PBRM1: variants seen among roughly 807,000 people sequenced by gnomAD.
PBRM1 encodes the protein protein polybromo-1.
In PBRM1, 27 loss-of-function variants were observed where a neutral mutation model predicts 194.5. The observed-to-expected ratio is 0.14, with a 90% CI of 0.10 to 0.19. The LOEUF (loss-of-function observed/expected upper bound fraction) is 0.19. Ranked by LOEUF, PBRM1 falls within the 10% of genes least tolerant of loss-of-function variation. The pLI, the probability that PBRM1 is intolerant of heterozygous loss-of-function variation, is 1.00. For synonymous variants in PBRM1, 655 were observed against 693.2 expected (o/e 0.94, Z 0.87); for missense variants, 1,466 against 2,077.2 (o/e 0.71, Z 5.72).
chr3:52,651,888 T>A, intron 5 of PBRM1, 78 bp from the exon 7 acceptor site: 1 of 945,278 alleles, frequency 1.1e-6, no homozygotes, highest in Non-Finnish European at 1.7e-6. Flanking sequence ...ACATTGACAA[T>A]CTGTTGTTCA....
rs190543167 is a variant in PBRM1, at chr3:52,590,447, C to T, written c.2780-1192G>A. On this transcript the variant is annotated intron_variant, in intron 17 of 29. Transcript: ENST00000296302. ...CTCCAGCCTGGGTGACAGAGCAATA[C>T]TCCATTTCAAAAGAAAAAAAAAAAA... Among the ~76,000 whole-genome samples, 11 of 150,872 alleles carry T rather than the reference C, an allele frequency of 7.3e-5. No individual in the cohort carries two copies. In the East Asian group the frequency reaches 2.1e-3, roughly 29 times the overall value.
intron 20 of PBRM1, among the ~76,000 whole-genome samples, chr3:52,583,132 G>A (rs1185265746): frequency 6.0e-5 from 9 of 149,076 alleles, no homozygotes; most frequent in African/African-American, 1.7e-4. Flanking sequence ...TAATAGGGGC[G>A]GGGGCGGTGG....
intron 15 of PBRM1, among the ~76,000 whole-genome samples, chr3:52,610,283 G>T (rs151178463): frequency 6.6e-6 from 1 of 152,134 alleles, no homozygotes; most frequent in South Asian, 2.1e-4. Context: ...AAGAGATAAC[G>T]GATGTTAAAA....
Position 52,593,586 on chromosome 3 carries a change from T to G in PBRM1, c.2780-4331A>C, listed in dbSNP as rs551971585. On this transcript the variant is annotated intron_variant, in intron 17 of 29. Coordinates refer to ENST00000296302, the Ensembl canonical transcript of PBRM1. ...TGTTTAGTGTGATAAATTTCCCTCT[T>G]AACACTGCCTTAGCTGTGTCCCAGA... Among the ~76,000 whole-genome samples, 27 of 152,318 alleles carry G rather than the reference T, an allele frequency of 1.8e-4. No individual in the cohort carries two copies. In the South Asian group the frequency reaches 5.6e-3, roughly 32 times the overall value.
chr3:52,658,763 T>A (rs2096659079), intron 4 of PBRM1, among the ~76,000 whole-genome samples: 1 of 152,226 alleles, frequency 6.6e-6, no homozygotes, highest in Admixed American at 6.5e-5. Context: ...GTTCTGATGC[T>A]GGACATAGGC....
At chr3:52,623,329 G>C (rs1192184062) in intron 13 of PBRM1, among the ~76,000 whole-genome samples, 1 of 152,210 alleles carries the variant, frequency 6.6e-6, no homozygotes, top group Non-Finnish European at 1.5e-5. Context: ...CTTACCAACA[G>C]CCTCTCTAAT....
intron 22 of PBRM1, 84 bp downstream of exon 24, chr3:52,576,457 A>T: frequency 9.3e-7 from 1 of 1,074,466 alleles, no homozygotes. Flanking sequence ...TATACCTAAC[A>T]CCTAGAACAG....
chr3:52,670,455 A>G (rs1476869483), intron 2 of PBRM1, among the ~76,000 whole-genome samples: 2 of 152,252 alleles, frequency 1.3e-5, no homozygotes, highest in African/African-American at 4.8e-5. Context: ...CTATAGGCAC[A>G]TGTACACACA....
chr3:52,606,423 T>C (rs1297757544), intron 16 of PBRM1, among the ~76,000 whole-genome samples: 1 of 152,230 alleles, frequency 6.6e-6, no homozygotes, highest in African/African-American at 2.4e-5. Flanking sequence ...AGTGAAAATT[T>C]CTGTAAATTA....
Position 52,609,855 on chromosome 3 carries a change from C to T in PBRM1, c.2025G>A (p.Lys675=). 1 of 1,613,090 alleles carries T rather than the reference C, an allele frequency of 6.2e-7. No homozygotes were observed. Among genetic ancestry groups the T allele is most frequent in the Non-Finnish European group, 8.5e-7 (1 of 1,179,618 alleles). Residue 675 remains lysine (K), a synonymous_variant, in exon 16 of 30, where the codon AAG becomes AAA. Transcript: ENST00000296302. The surrounding 1 kb of genome is among the most constrained non-coding windows in gnomAD (Gnocchi z 4.1). ...ATATGGCACTGAGGCGGCGACCCCTCTTATCAGTATAGTTCTTTACAGCTT... is the reference window on the plus strand; with the variant it reads ...ATATGGCACTGAGGCGGCGACCCCTTTTATCAGTATAGTTCTTTACAGCTT...
upstream of PBRM1, among the ~76,000 whole-genome samples, chr3:52,684,138 A>T (rs10865973): frequency 0.36 from 49,429 of 138,904 alleles, 9,413 homozygotes; most frequent in Admixed American, 0.49. Flanking sequence ...ACTGAACTCC[A>T]GCCTGGGCAA....
intron 20 of PBRM1, among the ~76,000 whole-genome samples, chr3:52,581,165 TC>T (rs1269872726): frequency 1.3e-5 from 2 of 152,238 alleles, no homozygotes; most frequent in Non-Finnish European, 2.9e-5. Context: ...AACATTCTGA[TC>T]TTTATGACTT....
At chr3:52,642,019 C>T (rs373247018) in exon 10 of PBRM1, 32 of 1,591,118 alleles carry the variant, frequency 2.0e-5, no homozygotes, top group East Asian at 4.5e-5. Context: ...TGCTGATAAA[C>T]GACCTCCTTG....
chr3:52,630,479 T>A (rs957539590), intron 11 of PBRM1, among the ~76,000 whole-genome samples: 6 of 152,222 alleles, frequency 3.9e-5, no homozygotes, highest in African/African-American at 1.4e-4. Flanking sequence ...AATAGCCACA[T>A]ATGACTAGTG....
Position 52,617,243 on chromosome 3 carries a change from G to A in PBRM1, c.1818+19C>T. ...CTCCCGCAAAATGTGCCTACTTCAG[G>A]ACCGCTGGCCCTCCTTACCTGGGAG... On this transcript the variant is annotated intron_variant, in intron 14 of 29. Transcript: ENST00000296302. 6.2e-7 allele frequency: 1 copy of A among 1,606,886 alleles called. No homozygotes were observed. Among genetic ancestry groups the A allele is most frequent in the Non-Finnish European group, 8.5e-7 (1 of 1,176,726 alleles).
intron 22 of PBRM1, among the ~76,000 whole-genome samples, 156 bp downstream of exon 24, chr3:52,576,385 G>A (rs1016711998): frequency 6.6e-6 from 1 of 151,576 alleles, no homozygotes; most frequent in African/African-American, 2.4e-5. Context: ...TTAATTTATC[G>A]ACTGACTCCC....
intron 12 of PBRM1, among the ~76,000 whole-genome samples, chr3:52,628,114 C>G (rs1244608616): frequency 6.6e-6 from 1 of 152,100 alleles, no homozygotes; most frequent in Non-Finnish European, 1.5e-5. Flanking sequence ...CAGAGAGGAT[C>G]TGATAAATTC....
At chr3:52,631,870 G>C (rs1338243404) in intron 11 of PBRM1, among the ~76,000 whole-genome samples, 1 of 152,150 alleles carries the variant, frequency 6.6e-6, no homozygotes, top group African/African-American at 2.4e-5. Context: ...GGAATGTACA[G>C]GTAATATCAA....
intron 29 of PBRM1, among the ~76,000 whole-genome samples, chr3:52,549,317 GC>G (rs1447961740): frequency 6.6e-6 from 1 of 151,858 alleles, no homozygotes; most frequent in Non-Finnish European, 1.5e-5. Flanking sequence ...ACCGCTCCTG[GC>G]CCTCATCTGG....
Sources: gnomAD v4.1 joint callset for allele counts (sites outside exome capture counted in the v4.1 genomes callset) on GRCh38, gnomAD v4.1.1 for gene constraint, Gnocchi (gnomAD v3.1) non-coding constraint, MANE v1.5 for transcripts, NCBI Gene and HGNC (gene_info 2026-07-23, HGNC 2026-07-21) for gene names.